SRP72: variants seen among roughly 807,000 people sequenced by gnomAD.
SRP72 encodes the protein signal recognition particle 72.
A neutral mutation model predicts 96.3 loss-of-function variants in SRP72; 49 were observed. The observed-to-expected ratio is 0.51, with a 90% CI of 0.40 to 0.65. The LOEUF (loss-of-function observed/expected upper bound fraction) is 0.65. Ranked by LOEUF, SRP72 falls within the 30% of genes least tolerant of loss-of-function variation. The probability of loss-of-function intolerance (pLI) is 0.00; values close to 1 mark genes in which losing one functional copy is unlikely to be tolerated. For synonymous variants in SRP72, 267 were observed against 275.2 expected (o/e 0.97, Z 0.30); for missense variants, 736 against 793.3 (o/e 0.93, Z 0.87).
chr4:56,491,149 A>C (rs535492546), intron 15 of SRP72, among the ~76,000 whole-genome samples: 3 of 152,278 alleles, frequency 2.0e-5, no homozygotes, highest in African/African-American at 7.2e-5. Flanking sequence ...TTGTTTTGGA[A>C]TAGAGTTTGT....
At chr4:56,500,263 G>A (rs1024522269) in intron 17 of SRP72, among the ~76,000 whole-genome samples, 5 of 152,092 alleles carry the variant, frequency 3.3e-5, no homozygotes, top group South Asian at 2.1e-4. Context: ...AATACCTAAT[G>A]TAGATGACGG....
chr4:56,480,114 T>C (rs967728011), intron 8 of SRP72, among the ~76,000 whole-genome samples: 3 of 152,200 alleles, frequency 2.0e-5, no homozygotes, highest in African/African-American at 7.2e-5. Context: ...TCTTTGGATG[T>C]AGATAATGGC....
At chr4:56,470,036 G>T (rs1022154642) in intron 2 of SRP72, among the ~76,000 whole-genome samples, 1 of 149,426 alleles carries the variant, frequency 6.7e-6, no homozygotes, top group African/African-American at 2.5e-5. Flanking sequence ...ACCATAGAGA[G>T]TTGTGGGGCA....
At chr4:56,493,074 G>C (rs968807359) in intron 16 of SRP72, among the ~76,000 whole-genome samples, 3 of 152,164 alleles carry the variant, frequency 2.0e-5, no homozygotes. Flanking sequence ...GTCTTGCTCT[G>C]TTGCCCAGGC....
rs1354272084 is a variant in SRP72 at position 56,483,215 on chromosome 4, A to T, written c.902A>T (p.Lys301Ile). Residue 301 changes from lysine (K) to isoleucine (I), a missense_variant, in exon 9 of 19, where the codon AAA (lysine) becomes ATA (isoleucine). Physicochemically the swap from Lys to Ile is moderately radical, Grantham distance 102. Coordinates refer to ENST00000642900, the MANE Select transcript of SRP72 (RefSeq NM_006947.4). ...GGAGTAGAGTTTAAGCTTTCCAAGA[A>T]ACAACTACAAGCTATAGAATTTAAC... Reference protein sequence around the residue: ...AEGVEFKLSKKQLQAIEFNKA... With the variant: ...AEGVEFKLSKIQLQAIEFNKA... 1 of 1,612,496 alleles carries T rather than the reference A, an allele frequency of 6.2e-7. No individual in the cohort carries two copies. The highest frequency in any genetic ancestry group is 8.5e-7 in the Non-Finnish European group (1 of 1,179,814).
chr4:56,490,504 C>T (rs1720868968), intron 14 of SRP72, 64 bp from the exon 15 acceptor site: 49 of 1,595,670 alleles, frequency 3.1e-5, no homozygotes, highest in Non-Finnish European at 4.0e-5. Flanking sequence ...GAGGGAGTTA[C>T]TTGTTTATAT....
intron 8 of SRP72, among the ~76,000 whole-genome samples, chr4:56,479,945 G>T: frequency 6.6e-6 from 1 of 152,114 alleles, no homozygotes; most frequent in Admixed American, 6.6e-5. Context: ...ATCTCTGTAG[G>T]AGTATAATCT....
At chr4:56,479,908 CAAT>C (rs1345652883) in intron 8 of SRP72, among the ~76,000 whole-genome samples, 1 of 152,178 alleles carries the variant, frequency 6.6e-6, no homozygotes, top group African/African-American at 2.4e-5. Flanking sequence ...TTCTTCCTCT[CAAT>C]AATCTTTTTA....
intron 16 of SRP72, among the ~76,000 whole-genome samples, chr4:56,494,847 A>C (rs900637770): frequency 3.3e-5 from 5 of 152,220 alleles, no homozygotes; most frequent in Admixed American, 2.0e-4. Context: ...AAGATAAAAA[A>C]GTGTAAGAGT....
chr4:56,486,156 A>G, intron 10 of SRP72, 169 bp from the exon 11 acceptor site: 1 of 514,452 alleles, frequency 1.9e-6, no homozygotes, highest in Non-Finnish European at 3.5e-6. Context: ...TTTAAGAAAA[A>G]AAGTGAGTGT....
chr4:56,500,665 A>G lies in SRP72; in HGVS notation c.1808A>G (p.Gln603Arg). Residue 603 changes from glutamine (Q) to arginine (R), a missense_variant, in exon 18 of 19, where the codon CAG becomes CGG. This residue lies in a region of SRP72 where 388 missense variants were observed against 431.8 expected (regional missense o/e 0.90). Transcript: ENST00000642900. Reference protein sequence around the residue: ...KKKDQIGKGTQGATAGASSEL... With the variant: ...KKKDQIGKGTRGATAGASSEL... ...AAGGATCAGATTGGAAAAGGGACCC[A>G]GGGAGCAACTGCAGGAGCTTCATCT... 1.2e-6 allele frequency: 2 copies of G among 1,613,952 alleles called. No individual in the cohort carries two copies. The highest frequency in any genetic ancestry group is 1.7e-6 in the Non-Finnish European group (2 of 1,179,910).
intron 16 of SRP72, among the ~76,000 whole-genome samples, chr4:56,493,487 G>T (rs1469054374): frequency 6.6e-6 from 1 of 152,088 alleles, no homozygotes; most frequent in Non-Finnish European, 1.5e-5. Context: ...GGATGCAAAG[G>T]TTTAGTTTCC....
chr4:56,478,157 T>A lies in SRP72; in HGVS notation c.643-222T>A, dbSNP rs547772867. 1.5e-3 allele frequency among the ~76,000 whole-genome samples: 226 copies of A among 151,292 alleles called. 1 individual carries two copies. The highest frequency in any genetic ancestry group is 3.2e-3 in the Admixed American group (48 of 15,214). On this transcript the variant is annotated intron_variant, in intron 6 of 18. Transcript: ENST00000642900. Reference sequence around the variant, plus strand: ...TTCTAGGATCTTTTTGCCTTTTCTTTTTTTTTTTTTTTTCTTTAGATACTT... The same window carrying A: ...TTCTAGGATCTTTTTGCCTTTTCTTATTTTTTTTTTTTTCTTTAGATACTT...
intron 5 of SRP72, chr4:56,476,392 C>T (rs770447822): frequency 3.3e-5 from 14 of 418,940 alleles, no homozygotes; most frequent in Admixed American, 9.1e-5. Context: ...ATTGATTTTT[C>T]GCAATTAATA....
At chr4:56,471,128 T>C (rs1414295387) in intron 2 of SRP72, among the ~76,000 whole-genome samples, 1 of 152,230 alleles carries the variant, frequency 6.6e-6, no homozygotes, top group African/African-American at 2.4e-5. Context: ...GTTAGGTAAG[T>C]AAATAAAGGA....
intron 15 of SRP72, 140 bp from the exon 16 acceptor site, chr4:56,491,291 A>C: frequency 2.5e-6 from 2 of 807,474 alleles, no homozygotes; most frequent in Admixed American, 5.2e-5. Context: ...TAGAAGATTT[A>C]GGAACATTTT....
chr4:56,473,445 G>A (rs1481774819), intron 3 of SRP72, among the ~76,000 whole-genome samples: 10 of 147,126 alleles, frequency 6.8e-5, no homozygotes, highest in Admixed American at 3.4e-4. Flanking sequence ...GTGACAGAGC[G>A]AGACTCCATC....
intron 17 of SRP72, among the ~76,000 whole-genome samples, chr4:56,498,801 T>C (rs922782528): frequency 1.3e-5 from 2 of 152,230 alleles, no homozygotes; most frequent in Non-Finnish European, 2.9e-5. Flanking sequence ...TCCATGCTCA[T>C]GGATAGGAAG....
Position 56,478,789 on chromosome 4 carries a change from A to G in SRP72, c.825+140A>G, listed in dbSNP as rs527739582. On this transcript the variant is annotated intron_variant, in intron 8 of 18. Transcript: ENST00000642900. Reference sequence around the variant, plus strand: ...CAGTTGTAGCAAAATCACAATGGATAGTATTACTTAACTCTCCTAATGATA... The same window carrying G: ...CAGTTGTAGCAAAATCACAATGGATGGTATTACTTAACTCTCCTAATGATA... 22 of 747,640 alleles carry G rather than the reference A, an allele frequency of 2.9e-5. No individual in the cohort carries two copies. In the African/African-American group the frequency reaches 3.0e-4, roughly 10 times the overall value. The allele number at this position is 747,640 out of a possible 1,614,324, so 46.3% of individuals were successfully genotyped here.
Sources: allele counts gnomAD v4.1 joint callset (sites outside exome capture counted in the v4.1 genomes callset), GRCh38; gene constraint gnomAD v4.1.1; regional missense constraint gnomAD v4.1.1; transcripts MANE v1.5; gene names NCBI Gene and HGNC (gene_info 2026-07-23, HGNC 2026-07-21).